The following KCNK2 variants were observed in gnomAD, a reference collection of about 807,000 sequenced individuals.
The protein encoded by KCNK2 is potassium two pore domain channel subfamily K member 2.
Under a neutral mutation model 40.5 loss-of-function variants are expected in KCNK2, and 21 were observed. The observed-to-expected ratio is 0.52, with a 90% CI of 0.37 to 0.75. The LOEUF (loss-of-function observed/expected upper bound fraction) is 0.75, where lower values mean the gene tolerates loss of function less well. Among genes scored for constraint, KCNK2 ranks in the 30% least tolerant of loss-of-function variants. The pLI is 0.00. For missense variants in KCNK2, 399 were observed against 531.6 expected, an observed-to-expected ratio of 0.75 and a Z score of 2.45; for synonymous variants, 191 against 202.2, an observed-to-expected ratio of 0.94 and a Z score of 0.47.
At chr1:215,229,689 A>G (rs866668119) in intron 6 of KCNK2, among the ~76,000 whole-genome samples, 1 of 152,038 alleles carries the variant, frequency 6.6e-6, no homozygotes, top group Non-Finnish European at 1.5e-5. Context: ...AAAGAAAAAA[A>G]AAGATTTTGT....
intron 5 of KCNK2, among the ~76,000 whole-genome samples, chr1:215,172,399 A>G (rs898289495): frequency 6.6e-5 from 10 of 152,222 alleles, no homozygotes; most frequent in Admixed American, 4.6e-4. Flanking sequence ...TCTCAGACTC[A>G]GTAGAATTTT....
chr1:215,150,345 C>A (rs2102611929), intron 3 of KCNK2, among the ~76,000 whole-genome samples: 1 of 152,178 alleles, frequency 6.6e-6, no homozygotes, highest in East Asian at 1.9e-4. Flanking sequence ...TGTATTTTGC[C>A]TGTTGCTTGT....
intron 4 of KCNK2, among the ~76,000 whole-genome samples, chr1:215,171,228 T>C (rs751341695): frequency 4.5e-4 from 69 of 152,162 alleles, no homozygotes; most frequent in Non-Finnish European, 7.6e-4. Flanking sequence ...CCAACTTCAT[T>C]TAATGCATTA....
intron 2 of KCNK2, among the ~76,000 whole-genome samples, chr1:215,098,997 A>G (rs1660096713): frequency 6.6e-6 from 1 of 151,966 alleles, no homozygotes; most frequent in Non-Finnish European, 1.5e-5. Flanking sequence ...TGGATAAATT[A>G]TATGTATGCA....
intron 2 of KCNK2, among the ~76,000 whole-genome samples, chr1:215,110,607 C>G (rs888643519): frequency 7.9e-5 from 12 of 152,012 alleles, no homozygotes; most frequent in Admixed American, 2.6e-4. Flanking sequence ...ATGGTTTCGA[C>G]ATTTATTTTT....
At chr1:215,032,657 T>A (rs1055185621) in intron 1 of KCNK2, among the ~76,000 whole-genome samples, 5 of 152,130 alleles carry the variant, frequency 3.3e-5, no homozygotes, top group Admixed American at 6.5e-5. Context: ...CGTATGAAAT[T>A]GAGGTTAGTG....
At chr1:215,008,331 A>G (rs975210599) in intron 1 of KCNK2, among the ~76,000 whole-genome samples, 5 of 152,168 alleles carry the variant, frequency 3.3e-5, no homozygotes, top group African/African-American at 1.2e-4. Flanking sequence ...CTTGTTTGAC[A>G]TCAAAATTTC....
chr1:215,077,797 A>G (rs971841606), upstream of KCNK2, among the ~76,000 whole-genome samples: 1 of 151,784 alleles, frequency 6.6e-6, no homozygotes, highest in African/African-American at 2.4e-5. Context: ...ACCCTTGCTC[A>G]TCTCATCTTC....
At chr1:215,076,238 G>T (rs1248961153) in intron 1 of KCNK2, among the ~76,000 whole-genome samples, 1 of 152,240 alleles carries the variant, frequency 6.6e-6, no homozygotes, top group Admixed American at 6.5e-5. Flanking sequence ...TTATAGTCTG[G>T]CTTGGAATCA....
At chr1:215,217,435 A>G (rs993234901) in intron 6 of KCNK2, among the ~76,000 whole-genome samples, 2 of 152,204 alleles carry the variant, frequency 1.3e-5, no homozygotes, top group Non-Finnish European at 2.9e-5. Flanking sequence ...ATATACATGC[A>G]TTAACCTCTG....
At chr1:215,140,081 A>G (rs974062207) in intron 3 of KCNK2, among the ~76,000 whole-genome samples, 2 of 152,172 alleles carry the variant, frequency 1.3e-5, no homozygotes, top group South Asian at 4.1e-4. Flanking sequence ...TGGCATAAGT[A>G]TCTGTCTTTC....
intron 2 of KCNK2, among the ~76,000 whole-genome samples, chr1:215,121,686 A>T (rs1470239217): frequency 6.6e-6 from 1 of 152,204 alleles, no homozygotes; most frequent in Non-Finnish European, 1.5e-5. Flanking sequence ...CAGCTATGTG[A>T]TGTGCTATTC....
intron 2 of KCNK2, among the ~76,000 whole-genome samples, chr1:215,097,031 C>T (rs1212067786): frequency 1.3e-5 from 2 of 151,814 alleles, no homozygotes. Context: ...AGTCCTGCTT[C>T]CACATGAACA....
chr1:215,031,325 A>G (rs2841592), intron 1 of KCNK2, among the ~76,000 whole-genome samples: 66,600 of 152,046 alleles, frequency 0.44, 16,301 homozygotes, highest in Non-Finnish European at 0.55. Flanking sequence ...AAGGACTGAC[A>G]TCTTGACTAT....
intron 6 of KCNK2, among the ~76,000 whole-genome samples, chr1:215,209,302 A>G (rs1429266786): frequency 7.3e-5 from 7 of 95,414 alleles, no homozygotes; most frequent in South Asian, 5.5e-4. Flanking sequence ...TATAATATAT[A>G]TTATATATAT....
chr1:215,127,571 T>G (rs545507832), intron 3 of KCNK2, among the ~76,000 whole-genome samples: 1 of 152,272 alleles, frequency 6.6e-6, no homozygotes, highest in South Asian at 2.1e-4. Context: ...ATTGCCACCA[T>G]TTTTGTCCAA....
At position 215,172,199 on chromosome 1, in the gene KCNK2, C is replaced by G. The variant is rs1163545410; in HGVS notation, c.823+16C>G. On this transcript the variant is annotated intron_variant, in intron 5 of 6. Coordinates refer to ENST00000444842, the MANE Select transcript of KCNK2 (RefSeq NM_001017425.3). Reference sequence around the variant, plus strand: ...TACGTTGCAGGTAAGCTTTTCCTGGCATCCATGTTACTCTTCTAACAGGGG... The same window carrying G: ...TACGTTGCAGGTAAGCTTTTCCTGGGATCCATGTTACTCTTCTAACAGGGG... 1.2e-6 allele frequency: 2 copies of G among 1,600,552 alleles called. No individual in the cohort carries two copies. Among genetic ancestry groups the G allele is most frequent in the East Asian group, 4.5e-5 (2 of 44,782 alleles).
chr1:215,123,226 A>T (rs964485361), intron 2 of KCNK2, among the ~76,000 whole-genome samples: 47 of 31,902 alleles, frequency 1.5e-3, no homozygotes, highest in Non-Finnish European at 6.4e-3. Context: ...ATATGGTAAT[A>T]AAAAAAACCT....
At chr1:215,127,962 G>C (rs1205804158) in intron 3 of KCNK2, among the ~76,000 whole-genome samples, 2 of 152,118 alleles carry the variant, frequency 1.3e-5, no homozygotes, top group Non-Finnish European at 2.9e-5. Flanking sequence ...CTATCACTCT[G>C]TTGCTGTAAA....
Sources: allele counts gnomAD v4.1 joint callset (sites outside exome capture counted in the v4.1 genomes callset), GRCh38; gene constraint gnomAD v4.1.1; transcripts MANE v1.5; gene names NCBI Gene and HGNC (gene_info 2026-07-23, HGNC 2026-07-21).